LDB3: variants seen among roughly 807,000 people sequenced by gnomAD.
The protein encoded by LDB3 is LIM domain-binding protein 3.
Under a neutral mutation model 69.0 loss-of-function variants are expected in LDB3, and 49 were observed. The ratio of observed to expected loss-of-function variants is 0.71; its 90% confidence interval spans 0.56 to 0.90. The LOEUF is 0.90. LDB3 is among the 40% of genes least tolerant of loss of function. The pLI, the probability that LDB3 is intolerant of heterozygous loss-of-function variation, is 0.00. For synonymous variants in LDB3, 387 were observed against 396.2 expected (o/e 0.98, Z 0.28); for missense variants, 928 against 974.1 (o/e 0.95, Z 0.63).
intron 12 of LDB3, among the ~76,000 whole-genome samples, chr10:86,720,375 C>T (rs1847034485): frequency 6.6e-6 from 1 of 151,670 alleles, no homozygotes; most frequent in Non-Finnish European, 1.5e-5. Flanking sequence ...ACCCGGGAGG[C>T]AGAGGTTGCA....
rs955622381 is a variant in LDB3 at position 86,706,551 on chromosome 10, C to T, written c.917C>T (p.Pro306Leu). The change falls in exon 8 of 14, where the codon CCG (proline) becomes CTG (leucine). Residue 306 changes from proline (P) to leucine (L), a missense_variant. Physicochemically the swap from Pro to Leu is moderately conservative, Grantham distance 98. Transcript: ENST00000361373. ...RRSSTPIEHA[P>L]VCTSQATTPL... ...ATCAGCACCCCTATTGAGCATGCGC[C>T]GGTGTGCACCAGCCAGGCCACCACC... 8.1e-6 allele frequency: 13 copies of T among 1,612,732 alleles called. No individual in the cohort carries two copies. The highest frequency in any genetic ancestry group is 2.7e-5 in the African/African-American group (2 of 74,920).
Position 86,694,737 on chromosome 10 carries a change from C to T in LDB3, c.896+2166C>T, listed in dbSNP as rs116689053. Reference sequence around the variant, plus strand: ...ATCTGTCTGTGATTGAAGCCTAAAGCAGTGTGTGTGATCACTGGTCATGAC... The same window carrying T: ...ATCTGTCTGTGATTGAAGCCTAAAGTAGTGTGTGTGATCACTGGTCATGAC... On this transcript the variant is annotated intron_variant, in intron 7 of 13. Coordinates refer to ENST00000361373, the MANE Select transcript of LDB3 (RefSeq NM_007078.3). 6.2e-3 allele frequency among the ~76,000 whole-genome samples: 938 copies of T among 152,322 alleles called. 13 individuals are homozygous for T. The highest frequency in any genetic ancestry group is 0.022 in the African/African-American group (897 of 41,562).
At chr10:86,669,625 C>T (rs906466940) in intron 2 of LDB3, among the ~76,000 whole-genome samples, 2 of 152,204 alleles carry the variant, frequency 1.3e-5, no homozygotes, top group African/African-American at 2.4e-5. Flanking sequence ...GTAGGCACTC[C>T]GTCAGTTTCT....
chr10:86,721,993 A>G (rs1454149296), intron 12 of LDB3, among the ~76,000 whole-genome samples: 1 of 152,222 alleles, frequency 6.6e-6, no homozygotes, highest in Admixed American at 6.5e-5. Context: ...GAATAAATAT[A>G]TGAGGAGCTA....
intron 12 of LDB3, among the ~76,000 whole-genome samples, chr10:86,719,930 G>A (rs76870416): frequency 0.082 from 12,418 of 152,212 alleles, 603 homozygotes; most frequent in African/African-American, 0.11. Flanking sequence ...CAGACATGAA[G>A]GCTAAGACAG....
At chr10:86,686,655 G>GA (rs113632066) in intron 5 of LDB3, among the ~76,000 whole-genome samples, 5,652 of 144,110 alleles carry the variant, frequency 0.039, 353 homozygotes, top group African/African-American at 0.13. Context: ...TGTCTTTACA[G>GA]AAAAAAAAAA....
intron 5 of LDB3, among the ~76,000 whole-genome samples, chr10:86,684,644 C>A (rs369860316): frequency 6.6e-6 from 1 of 152,162 alleles, no homozygotes; most frequent in African/African-American, 2.4e-5. Flanking sequence ...TCCCTGGGAC[C>A]GGGGACCACT....
upstream of LDB3, among the ~76,000 whole-genome samples, chr10:86,667,372 G>A (rs1423136117): frequency 6.6e-6 from 1 of 152,106 alleles, no homozygotes; most frequent in Admixed American, 6.5e-5. Context: ...TCCAACCAAG[G>A]AGCCAGGGTG....
chr10:86,680,554 G>A (rs1845058318), intron 4 of LDB3, among the ~76,000 whole-genome samples: 1 of 152,218 alleles, frequency 6.6e-6, no homozygotes, highest in Non-Finnish European at 1.5e-5. Flanking sequence ...CTGAGGCCCA[G>A]CTTGACGAGG....
intron 12 of LDB3, among the ~76,000 whole-genome samples, chr10:86,720,226 C>A (rs989979900): frequency 2.0e-5 from 3 of 152,190 alleles, no homozygotes; most frequent in African/African-American, 7.2e-5. Context: ...AGGCGAATCA[C>A]CTGAGGTCAG....
intron 13 of LDB3, chr10:86,732,377 C>T (rs896175931): frequency 2.7e-6 from 1 of 369,746 alleles, no homozygotes; most frequent in Non-Finnish European, 5.2e-6. Flanking sequence ...TGATTTTATT[C>T]TGTTCTTCAG....
chr10:86,725,025 G>A (rs563222707), intron 12 of LDB3, among the ~76,000 whole-genome samples: 4 of 152,326 alleles, frequency 2.6e-5, no homozygotes, highest in Admixed American at 2.6e-4. Flanking sequence ...TCAGTAAGAC[G>A]TGGTCTAAGA....
chr10:86,668,020 G>A (rs1376197163), upstream of LDB3, among the ~76,000 whole-genome samples: 1 of 152,216 alleles, frequency 6.6e-6, no homozygotes, highest in Non-Finnish European at 1.5e-5. Flanking sequence ...GGCCCATACT[G>A]AGGTTGGCTA....
intron 13 of LDB3, among the ~76,000 whole-genome samples, chr10:86,727,196 A>G (rs1327840527): frequency 6.6e-6 from 1 of 151,606 alleles, no homozygotes; most frequent in Non-Finnish European, 1.5e-5. Context: ...AATTTTGTGT[A>G]TTTTTAGTAG....
intron 3 of LDB3, 120 bp downstream of exon 3, chr10:86,679,638 C>T (rs544024617): frequency 8.2e-5 from 97 of 1,180,294 alleles, no homozygotes; most frequent in Admixed American, 3.3e-4. Context: ...CAAAACTGTG[C>T]AGGAAGATAA....
chr10:86,706,444 G>C, intron 7 of LDB3, 87 bp from the exon 8 acceptor site: 1 of 1,448,254 alleles, frequency 6.9e-7, no homozygotes, highest in Non-Finnish European at 9.6e-7. Context: ...GCCTGCCTCT[G>C]CTGCAGCCAC....
intron 5 of LDB3, among the ~76,000 whole-genome samples, chr10:86,691,142 T>A (rs528375740): frequency 3.3e-5 from 5 of 152,332 alleles, no homozygotes; most frequent in Non-Finnish European, 7.4e-5. Context: ...CTTCTGGCTC[T>A]GATGTAGGAT....
At chr10:86,693,395 C>T (rs557592051) in intron 7 of LDB3, among the ~76,000 whole-genome samples, 3 of 152,348 alleles carry the variant, frequency 2.0e-5, no homozygotes, top group South Asian at 4.1e-4. Flanking sequence ...CCTGTGGCAG[C>T]CTCTGTGCAA....
intron 13 of LDB3, among the ~76,000 whole-genome samples, chr10:86,731,753 A>G (rs1280846676): frequency 1.3e-5 from 2 of 151,810 alleles, no homozygotes; most frequent in Non-Finnish European, 2.9e-5. Flanking sequence ...CAGATTCCCT[A>G]TGGAACACTG....
Sources: allele counts gnomAD v4.1 joint callset (sites outside exome capture counted in the v4.1 genomes callset), GRCh38; gene constraint gnomAD v4.1.1; transcripts MANE v1.5; gene names NCBI Gene and HGNC (gene_info 2026-07-23, HGNC 2026-07-21).